MCM3AP: variants seen among roughly 807,000 people sequenced by gnomAD.
MCM3AP encodes minichromosome maintenance complex component 3 associated protein, also known as germinal-center associated nuclear protein.
In MCM3AP, 126 loss-of-function variants were observed where a neutral mutation model predicts 184.1. That is an observed-to-expected ratio of 0.68 (90% CI 0.59 to 0.79). MCM3AP has a LOEUF of 0.79. Among genes scored for constraint, MCM3AP ranks in the 30% least tolerant of loss-of-function variants. MCM3AP has a pLI of 0.00. For missense variants in MCM3AP, 2,496 were observed against 2,479.2 expected, an observed-to-expected ratio of 1.01 and a Z score of -0.14; for synonymous variants, 1,002 against 979.3, an observed-to-expected ratio of 1.02 and a Z score of -0.43.
At chr21:46,243,806 C>T (rs2080718174) in intron 23 of MCM3AP, 84 bp from the exon 24 acceptor site, 1 of 1,409,086 alleles carries the variant, frequency 7.1e-7, no homozygotes. Context: ...CAGGAGAAGG[C>T]AACTGTGAAG....
intron 6 of MCM3AP, among the ~76,000 whole-genome samples, chr21:46,274,178 G>C (rs1157979975): frequency 6.6e-6 from 1 of 152,356 alleles, no homozygotes; most frequent in East Asian, 1.9e-4. Context: ...CCAGGCGAAG[G>C]GTGTATAAAG....
intron 9 of MCM3AP, chr21:46,267,855 C>T (rs1195031261): frequency 6.6e-6 from 1 of 152,290 alleles, no homozygotes; most frequent in African/African-American, 2.4e-5. Context: ...CTTGATCACA[C>T]CACTGCACTC....
At chr21:46,266,909 C>A in intron 10 of MCM3AP, 73 bp downstream of exon 10, 1 of 1,532,214 alleles carries the variant, frequency 6.5e-7, no homozygotes. Flanking sequence ...GCAGCCAGCC[C>A]TTCACAGCCC....
At chr21:46,246,982 G>T (rs1190356238) in intron 20 of MCM3AP, 96 bp from the exon 21 acceptor site, 3 of 1,315,258 alleles carry the variant, frequency 2.3e-6, no homozygotes, top group Non-Finnish European at 3.2e-6. Context: ...AGCTCTCCGT[G>T]CACTAAATAC....
Position 46,284,950 on chromosome 21 carries a change from TA to T in MCM3AP, c.336del (p.Phe112LeufsTer23). ...SSVLGNTGFS[F>X]KSPTSVGAFP... ...AAAGCCCCAACACTGGTGGGTGATTTAAAACTAAATCCTGTGTTTCCCAGCA... is the reference window on the plus strand; with the variant it reads ...AAAGCCCCAACACTGGTGGGTGATTTAAACTAAATCCTGTGTTTCCCAGCA... On this transcript the variant is annotated frameshift_variant, in exon 1 of 28. Transcript: ENST00000291688. LOFTEE classifies it high-confidence loss of function. The T allele has an allele frequency of 6.2e-7, 1 of 1,614,106 alleles. No individual in the cohort carries two copies. Among genetic ancestry groups the T allele is most frequent in the Non-Finnish European group, 8.5e-7 (1 of 1,180,016 alleles).
rs777174996 is a variant in MCM3AP at position 46,265,393 on chromosome 21, C to T, written c.3162G>A (p.Ala1054=). 5.0e-6 allele frequency: 8 copies of T among 1,613,772 alleles called. No homozygotes were observed. The highest frequency in any genetic ancestry group is 2.7e-5 in the African/African-American group (2 of 74,900). Residue 1054 remains alanine (A), a synonymous_variant, in exon 12 of 28, where the codon GCG becomes GCA. Coordinates refer to ENST00000291688, the MANE Select transcript of MCM3AP (RefSeq NM_003906.5). ...PPVLALTPSV[A]PSLFQLSVQP... ...GCACAGACAGCTGGAAGAGGCTGGG[C>T]GCCACAGACGGGGTCAGTGCCAGGA... is the stretch of plus-strand genomic sequence containing the variant.
chr21:46,271,631 G>C (rs2081181289), intron 8 of MCM3AP, among the ~76,000 whole-genome samples: 1 of 152,038 alleles, frequency 6.6e-6, no homozygotes, highest in South Asian at 2.1e-4. Flanking sequence ...GGCCGAGGCA[G>C]GTGGATCACC....
chr21:46,236,736 A>C, intron 27 of MCM3AP, 93 bp downstream of exon 27: 1 of 874,058 alleles, frequency 1.1e-6, no homozygotes, highest in South Asian at 1.8e-5. Flanking sequence ...TCATCAAAAC[A>C]TCATAGGATA....
Position 46,284,549 on chromosome 21 carries a change from A to AT in MCM3AP, c.737dup (p.Asn246LysfsTer2). Reference sequence around the variant, plus strand: ...ATACAGGGAAGCTACTGAAGCTATTATTAGAACTTCCAAATATTGACTTAG... The same window carrying AT: ...ATACAGGGAAGCTACTGAAGCTATTATTTAGAACTTCCAAATATTGACTTAG... On this transcript the variant is annotated frameshift_variant, in exon 1 of 28. Coordinates refer to ENST00000291688, the MANE Select transcript of MCM3AP (RefSeq NM_003906.5). LOFTEE classifies it high-confidence loss of function. 1 of 1,614,208 alleles carries AT rather than the reference A, an allele frequency of 6.2e-7. No individual in the cohort carries two copies.
intron 6 of MCM3AP, 77 bp downstream of exon 6, chr21:46,275,109 C>T (rs2081239180): frequency 3.4e-6 from 5 of 1,467,666 alleles, no homozygotes; most frequent in Non-Finnish European, 4.5e-6. Flanking sequence ...AACAAACACC[C>T]AAATCAAGTA....
At chr21:46,246,923 A>G (rs2080782711) in intron 20 of MCM3AP, 37 bp from the exon 21 acceptor site, 2 of 1,602,164 alleles carry the variant, frequency 1.2e-6, no homozygotes. Flanking sequence ...GAGATGCACC[A>G]TGGGACGCAT....
chr21:46,261,538 T>G lies in MCM3AP; in HGVS notation c.3336-127A>C, dbSNP rs577460404. ...TCACAAGGTCAGAAGATCAAGACCATTCTGGCCAACACAGTGAAACCCCAT... is the reference window on the plus strand; with the variant it reads ...TCACAAGGTCAGAAGATCAAGACCAGTCTGGCCAACACAGTGAAACCCCAT... On this transcript the variant is annotated intron_variant, in intron 13 of 27. Coordinates refer to ENST00000291688, the MANE Select transcript of MCM3AP (RefSeq NM_003906.5). The G allele has an allele frequency of 3.0e-4, 244 of 809,438 alleles. No individual in the cohort carries two copies. The East Asian group carries it at 6.0e-3, about 20-fold the overall frequency. 50.1% of individuals were successfully genotyped at this position (809,438 alleles called of 1,614,324 possible). A position where few individuals can be genotyped will look rare whatever the true frequency, so the allele number is the denominator to read the frequency against.
intron 8 of MCM3AP, among the ~76,000 whole-genome samples, 190 bp from the exon 9 acceptor site, chr21:46,270,753 GT>G (rs2081168952): frequency 6.6e-6 from 1 of 152,142 alleles, no homozygotes; most frequent in African/African-American, 2.4e-5. Context: ...GCAGTGAGCT[GT>G]GATCGCATCA....
chr21:46,242,999 A>AAC, intron 24 of MCM3AP, 68 bp from the exon 25 acceptor site: 88 of 1,206,300 alleles, frequency 7.3e-5, no homozygotes, highest in South Asian at 1.1e-4. Flanking sequence ...AAAAAAAAAA[A>AAC]CACACACAAA....
rs566647833 is a variant in MCM3AP, at chr21:46,240,752, C to T, written c.5633+59G>A. The T allele has an allele frequency of 4.1e-6, 6 of 1,461,572 alleles. No individual in the cohort carries two copies. The African/African-American group carries it at 7.0e-5, about 17-fold the overall frequency. The allele number at this position is 1,461,572 out of a possible 1,614,324, so 90.5% of individuals were successfully genotyped here. On this transcript the variant is annotated intron_variant, in intron 26 of 27. Transcript: ENST00000291688. ...TTATATTAATCAAGCAATAACCAGT[C>T]TCCCCTCACAGCATAAAGCAGACTA...
intron 17 of MCM3AP, 108 bp from the exon 18 acceptor site, chr21:46,254,952 A>C: frequency 1.3e-6 from 1 of 778,216 alleles, no homozygotes; most frequent in Non-Finnish European, 2.3e-6. Flanking sequence ...TTTTCTGCCA[A>C]TGAAACGGGT....
At chr21:46,246,982 G>A in intron 20 of MCM3AP, 96 bp from the exon 21 acceptor site, 1 of 1,315,378 alleles carries the variant, frequency 7.6e-7, no homozygotes, top group Non-Finnish European at 1.1e-6. Flanking sequence ...AGCTCTCCGT[G>A]CACTAAATAC....
In MCM3AP at chr21:46,277,609, G is replaced by A; in HGVS notation, c.1776C>T (p.Leu592=). 1 of 1,612,456 alleles carries A rather than the reference G, an allele frequency of 6.2e-7. No individual in the cohort carries two copies. Among genetic ancestry groups the A allele is most frequent in the South Asian group, 1.1e-5 (1 of 90,796 alleles). ...CAGCCACAGTGCCTATCAGGGTACTGAGGGAGAGCACACATGGCCCGAGGC... is the reference window on the plus strand; with the variant it reads ...CAGCCACAGTGCCTATCAGGGTACTAAGGGAGAGCACACATGGCCCGAGGC... The part of the protein sequence containing the change: ...SEGLGPCVLS[L]STLIGTVAET... The change falls in exon 5 of 28, where the codon CTC becomes CTT. Residue 592 remains leucine (L), a synonymous_variant. Coordinates refer to ENST00000291688, the MANE Select transcript of MCM3AP (RefSeq NM_003906.5).
Position 46,275,189 on chromosome 21 carries a change from G to C in MCM3AP, c.1995C>G (p.Asp665Glu). 1 of 1,612,936 alleles carries C rather than the reference G, an allele frequency of 6.2e-7. No homozygotes were observed. The highest frequency in any genetic ancestry group is 8.5e-7 in the Non-Finnish European group (1 of 1,179,558). ...ACGGGGAGATGCAGGGCTCTACCTG[G>C]TCAGTCCCTGGGACCACTTCGAACA... ...LSVFEVVPGTDQVDHAAAVKE... is the reference protein window; with the variant it reads ...LSVFEVVPGTEQVDHAAAVKE... The change falls in exon 6 of 28, where the codon GAC becomes GAG. Residue 665 changes from aspartate to glutamate, a missense_variant. Coordinates refer to ENST00000291688, the MANE Select transcript of MCM3AP (RefSeq NM_003906.5).
Sources: gnomAD v4.1 joint callset for allele counts (sites outside exome capture counted in the v4.1 genomes callset) on GRCh38, gnomAD v4.1.1 for gene constraint, MANE v1.5 for transcripts, NCBI Gene and HGNC (gene_info 2026-07-23, HGNC 2026-07-21) for gene names.